The following KCNB2 variants were observed in gnomAD, a reference collection of about 807,000 sequenced individuals.
The protein encoded by KCNB2 is delayed rectifier potassium channel protein.
KCNB2 carries 15 observed loss-of-function variants against 61.5 expected under a neutral mutation model. That is an observed-to-expected ratio of 0.24 (90% CI 0.16 to 0.38). KCNB2 has a LOEUF of 0.38. KCNB2 is among the 10% of genes least tolerant of loss of function. The probability of loss-of-function intolerance (pLI) is 1.00; values close to 1 mark genes in which losing one functional copy is unlikely to be tolerated. For synonymous variants in KCNB2, 457 were observed against 446.0 expected (o/e 1.02, Z -0.31); for missense variants, 828 against 1,125.2 (o/e 0.74, Z 3.78).
At chr8:72,648,537 G>A (rs1400602193) in intron 2 of KCNB2, among the ~76,000 whole-genome samples, 1 of 148,058 alleles carries the variant, frequency 6.8e-6, no homozygotes, top group East Asian at 2.0e-4. Context: ...GCCTCCCTAA[G>A]TGCTGGGATT....
At chr8:72,733,208 G>A (rs1807780868) in intron 2 of KCNB2, among the ~76,000 whole-genome samples, 1 of 152,114 alleles carries the variant, frequency 6.6e-6, no homozygotes, top group South Asian at 2.1e-4. Context: ...TTCACATAGT[G>A]TGTTCAGTTT....
intron 2 of KCNB2, among the ~76,000 whole-genome samples, chr8:72,571,133 G>A (rs575573906): frequency 8.0e-4 from 122 of 152,288 alleles, no homozygotes; most frequent in Non-Finnish European, 1.4e-3. Context: ...CTCTCTGTCA[G>A]GTGTTGCATA....
At chr8:72,821,867 A>T (rs1809517729) in intron 2 of KCNB2, among the ~76,000 whole-genome samples, 1 of 152,084 alleles carries the variant, frequency 6.6e-6, no homozygotes, top group Non-Finnish European at 1.5e-5. Flanking sequence ...GACAAAGGGA[A>T]TCTGCAAGTC....
At chr8:72,673,294 T>C (rs1480180380) in intron 2 of KCNB2, among the ~76,000 whole-genome samples, 1 of 152,174 alleles carries the variant, frequency 6.6e-6, no homozygotes, top group African/African-American at 2.4e-5. Context: ...GTGGAGATAA[T>C]TGAATCATGG....
chr8:72,748,349 G>A (rs1309615471), intron 2 of KCNB2, among the ~76,000 whole-genome samples: 6 of 152,124 alleles, frequency 3.9e-5, no homozygotes, highest in Non-Finnish European at 8.8e-5. Context: ...TATCAGATAA[G>A]CTTCAACAGA....
chr8:72,722,837 A>C (rs954429574), intron 2 of KCNB2, among the ~76,000 whole-genome samples: 2 of 152,238 alleles, frequency 1.3e-5, no homozygotes, highest in Admixed American at 1.3e-4. Context: ...CAAATTCAAC[A>C]AAAGTATTTA....
At chr8:72,811,019 A>G (rs1166634525) in intron 2 of KCNB2, among the ~76,000 whole-genome samples, 2 of 152,192 alleles carry the variant, frequency 1.3e-5, no homozygotes, top group African/African-American at 2.4e-5. Flanking sequence ...TGAAAAGACA[A>G]CTGTCCAAAC....
intron 2 of KCNB2, among the ~76,000 whole-genome samples, chr8:72,663,578 A>G (rs1417323993): frequency 6.6e-6 from 1 of 152,126 alleles, no homozygotes; most frequent in Non-Finnish European, 1.5e-5. Context: ...CATCTTTATT[A>G]TAATTTAGTA....
Position 72,568,014 on chromosome 8 carries a change from G to T in KCNB2, c.280G>T (p.Gly94Ter). Residue 94 changes from glycine (G) to a stop codon, truncating the protein, a stop_gained, in exon 2 of 3, where the codon GGA becomes TGA. Transcript: ENST00000523207. LOFTEE classifies it high-confidence loss of function. ...CGAGTATTTCTTTGATCGGCATCCA[G>T]GAGCCTTCACTTCCATTTTAAATTT... is the stretch of plus-strand genomic sequence containing the variant. ...ENEYFFDRHP[G>*]AFTSILNFYR... 1 of 1,614,138 alleles carries T rather than the reference G, an allele frequency of 6.2e-7. No homozygotes were observed. Among genetic ancestry groups the T allele is most frequent in the Non-Finnish European group, 8.5e-7 (1 of 1,180,028 alleles).
At chr8:72,603,475 C>T (rs2128982702) in intron 2 of KCNB2, among the ~76,000 whole-genome samples, 1 of 152,272 alleles carries the variant, frequency 6.6e-6, no homozygotes, top group African/African-American at 2.4e-5. Context: ...TTCAAATTTC[C>T]ATTCATATGT....
At chr8:72,758,422 AC>A (rs1808326412) in intron 2 of KCNB2, among the ~76,000 whole-genome samples, 4 of 152,320 alleles carry the variant, frequency 2.6e-5, no homozygotes, top group Admixed American at 2.0e-4. Flanking sequence ...GCTGGAAAAG[AC>A]CAAGCCGAAC....
chr8:72,574,576 TCTTAATTTCCAA>T (rs1563527497), intron 2 of KCNB2, among the ~76,000 whole-genome samples: 1 of 152,222 alleles, frequency 6.6e-6, no homozygotes, highest in African/African-American at 2.4e-5. Flanking sequence ...AGAGGGCCAG[TCTTAATTTCCAA>T]GCAGTTTTTC....
intron 2 of KCNB2, among the ~76,000 whole-genome samples, chr8:72,782,137 A>T (rs1445278251): frequency 6.6e-6 from 1 of 152,180 alleles, no homozygotes; most frequent in Admixed American, 6.6e-5. Context: ...TAAAAAATTT[A>T]AAAAATGAAA....
intron 2 of KCNB2, among the ~76,000 whole-genome samples, chr8:72,813,509 G>A (rs1809340573): frequency 6.6e-6 from 1 of 151,836 alleles, no homozygotes; most frequent in Non-Finnish European, 1.5e-5. Context: ...GACTAATGAG[G>A]AAGTTCTAAA....
chr8:72,555,086 A>T (rs953907327), intron 1 of KCNB2, among the ~76,000 whole-genome samples: 2 of 152,092 alleles, frequency 1.3e-5, no homozygotes, highest in Non-Finnish European at 2.9e-5. Context: ...TCTTTGGATT[A>T]AGATAATGCT....
chr8:72,683,835 T>C (rs1485174135), intron 2 of KCNB2, among the ~76,000 whole-genome samples: 2 of 152,148 alleles, frequency 1.3e-5, no homozygotes, highest in Non-Finnish European at 2.9e-5. Flanking sequence ...GATGGGGCAC[T>C]TAGGGAGGAG....
intron 2 of KCNB2, among the ~76,000 whole-genome samples, chr8:72,812,443 T>C (rs1423934238): frequency 6.6e-6 from 1 of 152,214 alleles, no homozygotes; most frequent in Admixed American, 6.5e-5. Flanking sequence ...GTCTCATTTG[T>C]AACAGCAGGA....
intron 2 of KCNB2, among the ~76,000 whole-genome samples, chr8:72,902,355 T>C (rs966378191): frequency 6.6e-6 from 1 of 151,960 alleles, no homozygotes; most frequent in Non-Finnish European, 1.5e-5. Flanking sequence ...CAGAGAGATA[T>C]GAAGCTGTGA....
intron 2 of KCNB2, among the ~76,000 whole-genome samples, chr8:72,893,831 A>C (rs903768370): frequency 6.6e-6 from 1 of 152,188 alleles, no homozygotes; most frequent in Non-Finnish European, 1.5e-5. Context: ...GAACAGAGCA[A>C]ATTTCATGAC....
Sources: gnomAD v4.1 joint callset for allele counts (sites outside exome capture counted in the v4.1 genomes callset) on GRCh38, gnomAD v4.1.1 for gene constraint, MANE v1.5 for transcripts, NCBI Gene and HGNC (gene_info 2026-07-23, HGNC 2026-07-21) for gene names.